MYO7A: variants seen among roughly 807,000 people sequenced by gnomAD.
The protein encoded by MYO7A is unconventional myosin-VIIa.
A neutral mutation model predicts 263.8 loss-of-function variants in MYO7A; 210 were observed. The ratio of observed to expected loss-of-function variants is 0.80; its 90% CI spans 0.71 to 0.89. The LOEUF is 0.89. Among genes scored for constraint, MYO7A ranks in the 40% least tolerant of loss-of-function variants. MYO7A has a pLI of 0.00. For missense variants in MYO7A, 2,820 were observed against 2,968.3 expected (o/e 0.95, Z 1.16); for synonymous variants, 1,239 against 1,197.3 (o/e 1.03, Z -0.72).
chr11:77,170,677 G>C (rs529026044), intron 15 of MYO7A, among the ~76,000 whole-genome samples: 1 of 152,172 alleles, frequency 6.6e-6, no homozygotes, highest in African/African-American at 2.4e-5. Context: ...GCTCTCGGCT[G>C]TCCCACTCTT....
At chr11:77,161,157 T>C in intron 12 of MYO7A, 42 bp downstream of exon 12, 4 of 1,609,650 alleles carry the variant, frequency 2.5e-6, no homozygotes, top group Non-Finnish European at 3.4e-6. Flanking sequence ...CCTTCCCCAA[T>C]ATGGAAATAA....
Position 77,199,542 on chromosome 11 carries a change from C to T in MYO7A, c.4576C>T (p.Arg1526Cys), listed in dbSNP as rs1159604055. ...IMAVSSSREC[R>C]VWLSLGCSDL... ...GGCCTTGATCTCCTTCAGGGAGTGC[C>T]GTGTCTGGCTCTCACTGGGCTGCTC... is the stretch of plus-strand genomic sequence containing the variant. The change falls in exon 35 of 49, where the codon CGT (arginine) becomes TGT (cysteine). Residue 1526 changes from arginine to cysteine, a missense_variant. Physicochemically the swap from Arg to Cys is radical, Grantham distance 180. Transcript: ENST00000409709. 3 of 1,495,590 alleles carry T rather than the reference C, an allele frequency of 2.0e-6. No individual in the cohort carries two copies. The highest frequency in any genetic ancestry group is 1.3e-5 in the South Asian group (1 of 75,782). The allele number at this position is 1,495,590 out of a possible 1,614,324, so 92.6% of individuals were successfully genotyped here. A position where few individuals can be genotyped will look rare whatever the true frequency, so the allele number is the denominator to read the frequency against.
chr11:77,213,831 G>A, intron 47 of MYO7A, 29 bp from the exon 48 acceptor site: 2 of 1,613,868 alleles, frequency 1.2e-6, no homozygotes, highest in Non-Finnish European at 8.5e-7. Flanking sequence ...CCCAGGCCGT[G>A]CCTCTCTATG....
intron 26 of MYO7A, 64 bp downstream of exon 26, chr11:77,183,221 G>A (rs1043959457): frequency 1.2e-5 from 16 of 1,363,942 alleles, no homozygotes; most frequent in Non-Finnish European, 1.5e-5. Context: ...CTAGGCTGGA[G>A]CACAGCTGAG....
rs868925744 is a variant in MYO7A at position 77,147,105 on chromosome 11, C to T, written c.133-693C>T. Among the ~76,000 whole-genome samples, 5 of 152,238 alleles carry T rather than the reference C, an allele frequency of 3.3e-5. No homozygotes were observed. In the South Asian group the frequency reaches 8.3e-4, roughly 25 times the overall value. On this transcript the variant is annotated intron_variant, in intron 3 of 48. Transcript: ENST00000409709. ...CCAGGAAATATCTCCTGGGTGGGTC[C>T]CCTTCTCCCCATCACCACTGCTACT...
intron 44 of MYO7A, 57 bp downstream of exon 44, chr11:77,208,860 G>T: frequency 1.4e-6 from 2 of 1,387,910 alleles, no homozygotes; most frequent in South Asian, 2.5e-5. Context: ...CTGTACTTTG[G>T]CCCTGAAAGC....
chr11:77,182,915 G>C (rs1233559602), intron 25 of MYO7A, 153 bp from the exon 26 acceptor site: 3 of 759,268 alleles, frequency 4.0e-6, no homozygotes, highest in Non-Finnish European at 6.9e-6. Context: ...GGGGGTGCAA[G>C]GGTAGGGGTG....
At chr11:77,167,280 C>T (rs193170004) in intron 15 of MYO7A, among the ~76,000 whole-genome samples, 35 of 152,232 alleles carry the variant, frequency 2.3e-4, no homozygotes, top group Admixed American at 2.2e-3. Context: ...AGTGGGGACT[C>T]GAACGCAGGT....
rs761755624 is a variant in MYO7A, at chr11:77,194,444, A to G, written c.4243A>G (p.Thr1415Ala). ...ILERLLNLVP[T>A]YIPDREITPL... The stretch of plus-strand genomic sequence containing the variant: ...GGAGCGCCTCCTGAACCTCGTGCCC[A>G]CCTACATCCCCGACCGCGAGATCAC... The change falls in exon 32 of 49, where the codon ACC (threonine) becomes GCC (alanine). Residue 1415 changes from threonine to alanine, a missense_variant. Transcript: ENST00000409709. 8.1e-6 allele frequency: 13 copies of G among 1,611,502 alleles called. No homozygotes were observed. The highest frequency in any genetic ancestry group is 1.7e-5 in the Admixed American group (1 of 59,692).
rs1270332735 is a variant in MYO7A at position 77,197,504 on chromosome 11, T to C, written c.4347T>C (p.Thr1449=). The change falls in exon 33 of 49, where the codon ACT becomes ACC. Residue 1449 remains threonine (T), a synonymous_variant. Coordinates refer to ENST00000409709, the MANE Select transcript of MYO7A (RefSeq NM_000260.4). ...HKKGIYAQRR[T]DAQKVKEDVV... ...AGGGGATTTATGCCCAGAGGAGAAC[T>C]GATGCCCAGAAGGTCAAAGAGGATG... 5.0e-6 allele frequency: 8 copies of C among 1,604,936 alleles called. No individual in the cohort carries two copies. Among genetic ancestry groups the C allele is most frequent in the Non-Finnish European group, 1.7e-6 (2 of 1,175,680 alleles).
At chr11:77,189,144 G>A (rs1476164292) in intron 27 of MYO7A, among the ~76,000 whole-genome samples, 200 bp from the exon 28 acceptor site, 1 of 152,156 alleles carries the variant, frequency 6.6e-6, no homozygotes, top group Non-Finnish European at 1.5e-5. Flanking sequence ...GGTGCTTTAT[G>A]CCCGATGATC....
intron 42 of MYO7A, 130 bp downstream of exon 42, chr11:77,207,532 C>T: frequency 1.4e-6 from 1 of 731,624 alleles, no homozygotes; most frequent in Non-Finnish European, 2.4e-6. Context: ...CCATCTTCTT[C>T]CATCCCTGCA....
At chr11:77,181,914 A>G in intron 23 of MYO7A, 37 bp from the exon 24 acceptor site, 1 of 1,598,756 alleles carries the variant, frequency 6.3e-7, no homozygotes, top group Non-Finnish European at 8.6e-7. Context: ...CTTCCTGAGT[A>G]GCTGGGACTC....
In MYO7A at chr11:77,150,322, G is replaced by A. The variant is rs549568901; in HGVS notation, c.285+2372G>A. 2.0e-5 allele frequency among the ~76,000 whole-genome samples: 3 copies of A among 152,342 alleles called. 1 individual carries two copies. The South Asian group carries it at 6.2e-4, about 32-fold the overall frequency. Reference sequence around the variant, plus strand: ...CTCATGCGAAGGAGTCGGTAGGTCAGCTGCATCAAGGAACAAAGGCAAAAA... The same window carrying A: ...CTCATGCGAAGGAGTCGGTAGGTCAACTGCATCAAGGAACAAAGGCAAAAA... On this transcript the variant is annotated intron_variant, in intron 4 of 48. Transcript: ENST00000409709.
Position 77,189,423 on chromosome 11 carries a change from G to C in MYO7A, c.3583G>C (p.Val1195Leu). Residue 1195 changes from valine (V) to leucine (L), a missense_variant, in exon 28 of 49, where the codon GTG becomes CTG. Val to Leu is a conservative substitution (Grantham distance 32, BLOSUM62 1). Transcript: ENST00000409709. ...KSSYARGWIL[V>L]SLCVGCFAPS... ...CAGCTATGCCCGGGGCTGGATTCTCGTGTCTCTCTGCGTGGGCTGTTTCGC... is the reference window on the plus strand; with the variant it reads ...CAGCTATGCCCGGGGCTGGATTCTCCTGTCTCTCTGCGTGGGCTGTTTCGC... The C allele has an allele frequency of 3.7e-6, 6 of 1,613,886 alleles. No individual in the cohort carries two copies. The highest frequency in any genetic ancestry group is 5.1e-6 in the Non-Finnish European group (6 of 1,179,882).
intron 43 of MYO7A, 44 bp from the exon 44 acceptor site, chr11:77,208,653 T>C: frequency 6.6e-7 from 1 of 1,521,436 alleles, no homozygotes; most frequent in Non-Finnish European, 9.0e-7. Context: ...TGAGCACTCC[T>C]CTGTGCAGGG....
At chr11:77,189,654 C>T (rs1318280420) in intron 28 of MYO7A, among the ~76,000 whole-genome samples, 184 bp downstream of exon 28, 2 of 152,232 alleles carry the variant, frequency 1.3e-5, no homozygotes, top group African/African-American at 2.4e-5. Context: ...CCCCACACTC[C>T]CCTCAGCCCC....
At chr11:77,182,259 G>C in intron 24 of MYO7A, 105 bp downstream of exon 24, 1 of 1,490,418 alleles carries the variant, frequency 6.7e-7, no homozygotes, top group Non-Finnish European at 9.1e-7. Context: ...TGGGTCCCTG[G>C]GGGCCAGGGA....
chr11:77,214,816 C>A lies in MYO7A; in HGVS notation c.*120C>A. 1.3e-6 allele frequency: 1 copy of A among 782,112 alleles called. No individual in the cohort carries two copies. The highest frequency in any genetic ancestry group is 2.1e-6 in the Non-Finnish European group (1 of 483,366). The allele number at this position is 782,112 out of a possible 1,614,324, so 48.4% of individuals were successfully genotyped here. A position where few individuals can be genotyped will look rare whatever the true frequency, so the allele number is the denominator to read the frequency against. ...CATCCCGGCAGCGAGGCTGGGCTGG[C>A]CAGCCACCACTGACTATACCAACTG... is the stretch of plus-strand genomic sequence containing the variant. On this transcript the variant is annotated 3_prime_UTR_variant, in exon 49 of 49. Coordinates refer to ENST00000409709, the MANE Select transcript of MYO7A (RefSeq NM_000260.4).
Sources: gnomAD v4.1 joint callset for allele counts (sites outside exome capture counted in the v4.1 genomes callset) on GRCh38, gnomAD v4.1.1 for gene constraint, MANE v1.5 for transcripts, NCBI Gene and HGNC (gene_info 2026-07-23, HGNC 2026-07-21) for gene names.